The following DSCAM variants were observed in gnomAD, a reference collection of about 807,000 sequenced individuals.
The protein encoded by DSCAM is cell adhesion molecule DSCAM.
A neutral mutation model predicts 217.7 loss-of-function variants in DSCAM; 47 were observed. The observed-to-expected ratio is 0.22, with a 90% CI of 0.17 to 0.28. The LOEUF (loss-of-function observed/expected upper bound fraction) is 0.28. Ranked by LOEUF, DSCAM falls within the 10% of genes least tolerant of loss-of-function variation. DSCAM has a pLI of 1.00. For synonymous variants in DSCAM, 1,056 were observed against 1,015.3 expected (o/e 1.04, Z -0.76); for missense variants, 2,080 against 2,618.3 (o/e 0.79, Z 4.49).
chr21:40,669,354 T>C (rs1020443520), intron 3 of DSCAM, among the ~76,000 whole-genome samples: 1 of 152,126 alleles, frequency 6.6e-6, no homozygotes, highest in African/African-American at 2.4e-5. Context: ...ACTTCCACAA[T>C]CCACGTGCCC....
chr21:40,842,664 C>T (rs183320168), intron 1 of DSCAM, among the ~76,000 whole-genome samples: 2 of 152,294 alleles, frequency 1.3e-5, no homozygotes, highest in East Asian at 1.9e-4. Flanking sequence ...ACTCCAGACA[C>T]ATCTAACATA....
intron 10 of DSCAM, among the ~76,000 whole-genome samples, chr21:40,280,391 G>C (rs2073744941): frequency 6.6e-6 from 1 of 151,886 alleles, no homozygotes; most frequent in Non-Finnish European, 1.5e-5. Context: ...GGTCTTGCTT[G>C]GTTGCTCAGA....
intron 1 of DSCAM, among the ~76,000 whole-genome samples, chr21:40,826,377 G>A (rs1374569442): frequency 6.6e-6 from 1 of 152,218 alleles, no homozygotes; most frequent in Non-Finnish European, 1.5e-5. Flanking sequence ...GGTGGGGTGG[G>A]CCAGCCCAAG....
chr21:40,659,372 TC>T (rs2090111733), intron 3 of DSCAM, among the ~76,000 whole-genome samples: 1 of 144,706 alleles, frequency 6.9e-6, no homozygotes, highest in Non-Finnish European at 1.5e-5. Context: ...TATCTATCTA[TC>T]TATCTATCTA....
At chr21:40,268,533 AC>A (rs1435663339) in intron 11 of DSCAM, among the ~76,000 whole-genome samples, 1 of 151,260 alleles carries the variant, frequency 6.6e-6, no homozygotes, top group East Asian at 1.9e-4. Context: ...AGGCGCAATT[AC>A]CCCAAAGTTA....
intron 17 of DSCAM, among the ~76,000 whole-genome samples, chr21:40,143,236 C>T (rs1424267706): frequency 6.6e-6 from 1 of 152,204 alleles, no homozygotes; most frequent in Non-Finnish European, 1.5e-5. Flanking sequence ...AGACCATAGA[C>T]AGGTCAGAAG....
At chr21:40,377,193 G>A (rs142306525) in intron 3 of DSCAM, among the ~76,000 whole-genome samples, 3 of 152,290 alleles carry the variant, frequency 2.0e-5, no homozygotes, top group African/African-American at 7.2e-5. Context: ...CCAAGAGGAA[G>A]ATACTGTTAT....
chr21:40,549,095 C>T (rs184655627), intron 3 of DSCAM, among the ~76,000 whole-genome samples: 36 of 152,188 alleles, frequency 2.4e-4, no homozygotes, highest in African/African-American at 7.7e-4. Context: ...GTCCCAGCTA[C>T]TCTGGAGGCT....
intron 3 of DSCAM, among the ~76,000 whole-genome samples, chr21:40,494,290 C>G (rs2076100003): frequency 6.6e-6 from 1 of 152,142 alleles, no homozygotes; most frequent in Non-Finnish European, 1.5e-5. Context: ...CATGACCCAA[C>G]TATGTGCTGC....
intron 3 of DSCAM, among the ~76,000 whole-genome samples, chr21:40,559,432 C>T (rs1198039370): frequency 8.9e-5 from 13 of 146,742 alleles, no homozygotes; most frequent in Middle Eastern, 3.4e-3. Flanking sequence ...CACTCTGGCC[C>T]GGGCGAAAAG....
chr21:40,729,152 A>C (rs940823249), intron 1 of DSCAM, among the ~76,000 whole-genome samples: 1 of 152,224 alleles, frequency 6.6e-6, no homozygotes, highest in Non-Finnish European at 1.5e-5. Flanking sequence ...ATCTAAATAC[A>C]AAACCTTATT....
intron 15 of DSCAM, among the ~76,000 whole-genome samples, chr21:40,170,912 G>A (rs750640772): frequency 3.3e-5 from 5 of 152,090 alleles, no homozygotes; most frequent in Non-Finnish European, 5.9e-5. Flanking sequence ...TCAGGAAGAT[G>A]GCACACAAGA....
chr21:40,200,878 G>C (rs2091062748), intron 11 of DSCAM, among the ~76,000 whole-genome samples: 2 of 152,158 alleles, frequency 1.3e-5, no homozygotes, highest in Admixed American at 1.3e-4. Context: ...GATTATCCCT[G>C]CTGCAGAATC....
chr21:40,375,055 C>T (rs943346073), intron 3 of DSCAM, among the ~76,000 whole-genome samples: 8 of 151,990 alleles, frequency 5.3e-5, no homozygotes, highest in African/African-American at 1.9e-4. Flanking sequence ...TTCTCCCTGG[C>T]ATATCTGTTA....
At chr21:40,511,152 T>C (rs1315137416) in intron 3 of DSCAM, among the ~76,000 whole-genome samples, 10 of 152,228 alleles carry the variant, frequency 6.6e-5, no homozygotes, top group Non-Finnish European at 1.3e-4. Context: ...CTTCATGGTA[T>C]GTTGCTTTAT....
intron 11 of DSCAM, among the ~76,000 whole-genome samples, chr21:40,218,210 T>C (rs532335428): frequency 1.3e-4 from 20 of 152,330 alleles, no homozygotes; most frequent in Admixed American, 5.9e-4. Flanking sequence ...CTTCTGCATA[T>C]GGTCAGCCAG....
chr21:40,343,504 T>A (rs2074522013), intron 6 of DSCAM, among the ~76,000 whole-genome samples: 1 of 152,220 alleles, frequency 6.6e-6, no homozygotes, highest in Non-Finnish European at 1.5e-5. Flanking sequence ...TGGATGCAAG[T>A]TTCATCAAAT....
chr21:40,543,078 G>A (rs944106474), intron 3 of DSCAM, among the ~76,000 whole-genome samples: 11 of 151,960 alleles, frequency 7.2e-5, no homozygotes, highest in Admixed American at 5.9e-4. Context: ...AATGTATCTG[G>A]CTCATTTCAA....
chr21:40,053,250 AG>A (rs1320731622), intron 29 of DSCAM, among the ~76,000 whole-genome samples: 1 of 152,222 alleles, frequency 6.6e-6, no homozygotes, highest in Non-Finnish European at 1.5e-5. Context: ...AAGGCTGCCA[AG>A]ATGTCTGTGA....
Sources: gnomAD v4.1 joint callset for allele counts (sites outside exome capture counted in the v4.1 genomes callset) on GRCh38, gnomAD v4.1.1 for gene constraint, MANE v1.5 for transcripts, NCBI Gene and HGNC (gene_info 2026-07-23, HGNC 2026-07-21) for gene names.